The following EPB41L4A variants were observed in gnomAD, a reference collection of about 807,000 sequenced individuals.
The protein encoded by EPB41L4A is band 4.1-like protein 4A.
Under a neutral mutation model 108.6 loss-of-function variants are expected in EPB41L4A, and 100 were observed. The observed-to-expected ratio is 0.92, with a 90% CI of 0.78 to 1.09. The LOEUF is 1.09. Ranked by LOEUF, EPB41L4A falls within the 50% of genes least tolerant of loss-of-function variation. EPB41L4A has a pLI of 0.00. For synonymous variants in EPB41L4A, 319 were observed against 289.0 expected, an observed-to-expected ratio of 1.10 and a Z score of -1.05; for missense variants, 1,030 against 842.7, an observed-to-expected ratio of 1.22 and a Z score of -2.75.
chr5:112,193,153 C>G (rs745926143), intron 17 of EPB41L4A, among the ~76,000 whole-genome samples: 1 of 152,210 alleles, frequency 6.6e-6, no homozygotes, highest in Non-Finnish European at 1.5e-5. Context: ...AATGTCCACT[C>G]TTACAATGCT....
chr5:112,234,357 G>A (rs1749177933), intron 12 of EPB41L4A, among the ~76,000 whole-genome samples: 1 of 151,548 alleles, frequency 6.6e-6, no homozygotes, highest in African/African-American at 2.4e-5. Context: ...AATCCAGCCT[G>A]GTGACACAGC....
intron 2 of EPB41L4A, among the ~76,000 whole-genome samples, chr5:112,288,467 A>C (rs1238322794): frequency 2.0e-5 from 3 of 152,228 alleles, no homozygotes; most frequent in African/African-American, 7.2e-5. Context: ...TTTTATTAAA[A>C]AAGCAAGCAA....
intron 16 of EPB41L4A, among the ~76,000 whole-genome samples, 188 bp from the exon 17 acceptor site, chr5:112,194,833 T>C (rs1038749369): frequency 8.5e-5 from 13 of 152,176 alleles, no homozygotes; most frequent in Admixed American, 2.6e-4. Context: ...ACTGAGTCTA[T>C]AGCTCAGGGA....
chr5:112,197,947 C>T (rs1233756615), intron 15 of EPB41L4A, among the ~76,000 whole-genome samples: 2 of 152,196 alleles, frequency 1.3e-5, no homozygotes, highest in East Asian at 1.9e-4. Context: ...TGGGCATAGA[C>T]TCCTAAACTG....
At chr5:112,190,015 A>G (rs190476234) in intron 17 of EPB41L4A, among the ~76,000 whole-genome samples, 134 of 152,266 alleles carry the variant, frequency 8.8e-4, no homozygotes, top group Non-Finnish European at 1.5e-3. Context: ...TCTCAAACCT[A>G]CAGCAATAAG....
intron 2 of EPB41L4A, among the ~76,000 whole-genome samples, chr5:112,287,879 A>T (rs2150526162): frequency 6.6e-6 from 1 of 152,326 alleles, no homozygotes; most frequent in Non-Finnish European, 1.5e-5. Context: ...GAAATTGCTG[A>T]TTGGCTTCAT....
chr5:112,157,149 A>G (rs1255351140), intron 12 of EPB41L4A, among the ~76,000 whole-genome samples: 1 of 110,688 alleles, frequency 9.0e-6, no homozygotes. Context: ...ATGCAAAAAG[A>G]AAAAAAAAAA....
At chr5:112,221,523 G>C (rs1748047302) in intron 12 of EPB41L4A, among the ~76,000 whole-genome samples, 1 of 152,178 alleles carries the variant, frequency 6.6e-6, no homozygotes, top group Non-Finnish European at 1.5e-5. Context: ...TACTTATATA[G>C]TGCACAGCTG....
intron 1 of EPB41L4A, among the ~76,000 whole-genome samples, chr5:112,415,355 T>A (rs967258641): frequency 7.9e-5 from 12 of 152,120 alleles, no homozygotes; most frequent in Non-Finnish European, 7.4e-5. Context: ...GGTAATGGAA[T>A]TTTCATCTTA....
chr5:112,333,565 T>C (rs970713274), intron 1 of EPB41L4A, among the ~76,000 whole-genome samples: 2 of 152,194 alleles, frequency 1.3e-5, no homozygotes, highest in Non-Finnish European at 2.9e-5. Context: ...AGGTTGGTCA[T>C]GAGGAGAGAA....
chr5:112,405,162 C>G (rs754259214), intron 1 of EPB41L4A, among the ~76,000 whole-genome samples: 1 of 152,162 alleles, frequency 6.6e-6, no homozygotes, highest in Non-Finnish European at 1.5e-5. Flanking sequence ...TCTCGGGTCA[C>G]TTTCCATGGA....
intron 14 of EPB41L4A, among the ~76,000 whole-genome samples, chr5:112,204,983 C>T (rs946497082): frequency 3.9e-5 from 6 of 152,168 alleles, no homozygotes; most frequent in African/African-American, 1.4e-4. Flanking sequence ...CAACACAGGT[C>T]TGTCACTGGT....
chr5:112,253,240 C>T (rs1373044740), intron 9 of EPB41L4A, among the ~76,000 whole-genome samples: 1 of 152,116 alleles, frequency 6.6e-6, no homozygotes, highest in African/African-American at 2.4e-5. Flanking sequence ...CAGGTGGTCA[C>T]CATATGCCCC....
rs1245647314 is a variant in EPB41L4A, at chr5:112,148,371, G to A, written n.995-2373C>T. On this transcript the variant is annotated intron_variant and non_coding_transcript_variant, in intron 12 of 13. Coordinates refer to the EPB41L4A transcript ENST00000507810. ...TAAATGTGAATATTTTAAAATTAGG[G>A]TTATATTTCTTTTAATTACATTTAT... 9.9e-5 allele frequency among the ~76,000 whole-genome samples: 15 copies of A among 151,290 alleles called. No homozygotes were observed. In the East Asian group the frequency reaches 2.3e-3, roughly 23 times the overall value.
In EPB41L4A at chr5:112,164,195, G is replaced by C. The variant is rs1314774092; in HGVS notation, c.*795C>G. The C allele has an allele frequency of 6.6e-6, 1 of 152,192 alleles. No individual in the cohort carries two copies. Among genetic ancestry groups the C allele is most frequent in the Non-Finnish European group, 1.5e-5 (1 of 68,036 alleles). 9.4% of individuals were successfully genotyped at this position (152,192 alleles called of 1,614,324 possible). Reference sequence around the variant, plus strand: ...ACACTTAAAGCTTTTTACATCATTTGTAAATAACTGGTGGAACTTAACACC... The same window carrying C: ...ACACTTAAAGCTTTTTACATCATTTCTAAATAACTGGTGGAACTTAACACC... On this transcript the variant is annotated 3_prime_UTR_variant, in exon 23 of 23. Transcript: ENST00000261486.
chr5:112,416,052 T>C (rs1450973980), intron 1 of EPB41L4A, among the ~76,000 whole-genome samples: 4 of 150,968 alleles, frequency 2.6e-5, no homozygotes, highest in Admixed American at 2.6e-4. Flanking sequence ...ATTTAACTGA[T>C]ATTCATCTTA....
chr5:112,293,367 T>TCCACCTCCCACCCTCCCCC (rs374968122), intron 2 of EPB41L4A, among the ~76,000 whole-genome samples: 1 of 151,922 alleles, frequency 6.6e-6, no homozygotes, highest in African/African-American at 2.4e-5. Context: ...TCTCCCTCCT[T>TCCACCTCCCACCCTCCCCC]TTAATTTAGT....
intron 4 of EPB41L4A, among the ~76,000 whole-genome samples, chr5:112,267,764 C>T (rs1317803469): frequency 6.6e-6 from 1 of 152,010 alleles, no homozygotes; most frequent in Non-Finnish European, 1.5e-5. Flanking sequence ...TAAACAGGAT[C>T]ATGTCACTCT....
At chr5:112,351,983 A>G (rs895829034) in intron 1 of EPB41L4A, among the ~76,000 whole-genome samples, 3 of 152,232 alleles carry the variant, frequency 2.0e-5, no homozygotes, top group African/African-American at 7.2e-5. Flanking sequence ...AACTAGGCAT[A>G]GAAGAAAGAC....
Sources: gnomAD v4.1 joint callset for allele counts (sites outside exome capture counted in the v4.1 genomes callset) on GRCh38, gnomAD v4.1.1 for gene constraint, MANE v1.5 for transcripts, NCBI Gene and HGNC (gene_info 2026-07-23, HGNC 2026-07-21) for gene names.